The following PTPRN2 variants were observed in gnomAD, a reference collection of about 807,000 sequenced individuals.
PTPRN2 encodes receptor-type tyrosine-protein phosphatase N2.
PTPRN2 carries 74 observed loss-of-function variants against 118.8 expected under a neutral mutation model. That is an observed-to-expected ratio of 0.62 (90% CI 0.52 to 0.76). PTPRN2 has a LOEUF of 0.76. Ranked by LOEUF, PTPRN2 falls within the 30% of genes least tolerant of loss-of-function variation. PTPRN2 has a pLI of 0.00. For synonymous variants in PTPRN2, 641 were observed against 608.0 expected, an observed-to-expected ratio of 1.05 and a Z score of -0.80; for missense variants, 1,481 against 1,394.4, an observed-to-expected ratio of 1.06 and a Z score of -0.99.
intron 2 of PTPRN2, among the ~76,000 whole-genome samples, chr7:158,324,543 C>T (rs569781807): frequency 9.1e-4 from 139 of 151,934 alleles, no homozygotes; most frequent in African/African-American, 3.0e-3. Flanking sequence ...GCATGAGTCT[C>T]GCAAGTTCTC....
intron 10 of PTPRN2, among the ~76,000 whole-genome samples, chr7:158,110,106 C>T (rs1396092754): frequency 6.6e-6 from 1 of 152,198 alleles, no homozygotes; most frequent in Admixed American, 6.5e-5. Flanking sequence ...GGGCACACAG[C>T]CCGGGCCGGC....
chr7:158,405,724 T>C (rs1311108927), intron 2 of PTPRN2, among the ~76,000 whole-genome samples: 2 of 152,254 alleles, frequency 1.3e-5, no homozygotes, highest in East Asian at 3.8e-4. Context: ...CTTGGAAAAC[T>C]CGGAAAACCT....
At position 157,944,433 on chromosome 7, in the gene PTPRN2, T is replaced by C. The variant is rs1440368573; in HGVS notation, c.1724-45696A>G. ...ATTAATGTGTTAAGTGGCACAAATA[T>C]GTGTTTATCGAGAGAAACCTAAGTT... is the stretch of plus-strand genomic sequence containing the variant. On this transcript the variant is annotated intron_variant, in intron 11 of 22. Coordinates refer to ENST00000389418, the MANE Select transcript of PTPRN2 (RefSeq NM_002847.5). This position sits in a 1 kb window ranked among gnomAD's most constrained non-coding sequence, Gnocchi z 4.3. Among the ~76,000 whole-genome samples, 1 of 152,192 alleles carries C rather than the reference T, an allele frequency of 6.6e-6. No individual in the cohort carries two copies. Among genetic ancestry groups the C allele is most frequent in the African/African-American group, 2.4e-5 (1 of 41,446 alleles).
At chr7:158,270,579 C>T (rs938734252) in intron 3 of PTPRN2, among the ~76,000 whole-genome samples, 1 of 152,062 alleles carries the variant, frequency 6.6e-6, no homozygotes, top group Admixed American at 6.5e-5. Context: ...GGCTGAACAC[C>T]CCAGGGGAAA....
At chr7:157,595,041 A>C (rs1469174729) in intron 17 of PTPRN2, among the ~76,000 whole-genome samples, 197 bp downstream of exon 17, 1 of 152,226 alleles carries the variant, frequency 6.6e-6, no homozygotes, top group Non-Finnish European at 1.5e-5. Flanking sequence ...CTCAAAGGGA[A>C]TTTTTTCATA....
rs1827988903 is a variant in PTPRN2, at chr7:158,570,901, G to A, written c.112+16657C>T. 1.3e-5 allele frequency among the ~76,000 whole-genome samples: 2 copies of A among 152,256 alleles called. No individual in the cohort carries two copies. Among genetic ancestry groups the A allele is most frequent in the South Asian group, 4.1e-4 (2 of 4,822 alleles). On this transcript the variant is annotated intron_variant, in intron 1 of 22. Transcript: ENST00000389418. This position sits in a 1 kb window ranked among gnomAD's most constrained non-coding sequence, Gnocchi z 4.5. ...AACGTGCATGGACCTGGTTACCTCT[G>A]GCCTTCCTCTGCTCAGAAGCCCACC...
At position 158,334,660 on chromosome 7, in the gene PTPRN2, A is replaced by G. The variant is rs375602330; in HGVS notation, c.164-17728T>C. On this transcript the variant is annotated intron_variant, in intron 2 of 22. Transcript: ENST00000389418. ...ACCCACACTCTCACCATAATTGGTGACACCTGCAGACGTCACTCACACCCA... is the reference window on the plus strand; with the variant it reads ...ACCCACACTCTCACCATAATTGGTGGCACCTGCAGACGTCACTCACACCCA... Among the ~76,000 whole-genome samples, 8 of 80,736 alleles carry G rather than the reference A, an allele frequency of 9.9e-5. 2 individuals carry two copies. The East Asian group carries it at 3.2e-3, about 32-fold the overall frequency. 53.0% of individuals were successfully genotyped at this position (80,736 alleles called of 152,430 possible). A position where few individuals can be genotyped will look rare whatever the true frequency, so the allele number is the denominator to read the frequency against.
chr7:157,984,212 T>A (rs370684338), intron 11 of PTPRN2, among the ~76,000 whole-genome samples: 1 of 150,876 alleles, frequency 6.6e-6, no homozygotes, highest in Non-Finnish European at 1.5e-5. Context: ...GCCTGAGTCC[T>A]CTTCACCTGA....
At chr7:158,024,619 C>T (rs1243426647) in intron 11 of PTPRN2, among the ~76,000 whole-genome samples, 2 of 152,194 alleles carry the variant, frequency 1.3e-5, no homozygotes, top group African/African-American at 4.8e-5. Context: ...AGACGACCAC[C>T]AGGATGTGGC....
intron 5 of PTPRN2, among the ~76,000 whole-genome samples, chr7:158,178,153 T>C (rs1006674436): frequency 6.6e-6 from 1 of 152,240 alleles, no homozygotes; most frequent in Non-Finnish European, 1.5e-5. Context: ...CATTAAATTG[T>C]CACTCATTTA....
intron 12 of PTPRN2, among the ~76,000 whole-genome samples, chr7:157,887,025 G>A (rs1035899319): frequency 9.2e-5 from 14 of 151,986 alleles, no homozygotes; most frequent in East Asian, 1.9e-4. Context: ...AGCCCACAGC[G>A]GGCCTGTCCT....
At chr7:157,940,558 C>G (rs1198753162) in intron 11 of PTPRN2, among the ~76,000 whole-genome samples, 1 of 150,766 alleles carries the variant, frequency 6.6e-6, no homozygotes, top group Non-Finnish European at 1.5e-5. Flanking sequence ...ATCTAACGCC[C>G]TCCCCTGTGA....
chr7:157,834,334 TG>T (rs1158224604), intron 12 of PTPRN2, among the ~76,000 whole-genome samples: 2 of 134,704 alleles, frequency 1.5e-5, no homozygotes, highest in East Asian at 4.6e-4. Flanking sequence ...CAGCACTCCC[TG>T]TGATCAATCC....
chr7:157,673,467 CT>C (rs1796509292), intron 13 of PTPRN2, among the ~76,000 whole-genome samples: 2 of 152,266 alleles, frequency 1.3e-5, no homozygotes, highest in Admixed American at 6.5e-5. Flanking sequence ...GGAAAAGCCG[CT>C]GTTCAGACAC....
intron 22 of PTPRN2, among the ~76,000 whole-genome samples, chr7:157,544,791 G>T (rs547711134): frequency 6.6e-6 from 1 of 152,330 alleles, no homozygotes; most frequent in East Asian, 1.9e-4. Context: ...GCCTTGTCTG[G>T]CATCCCTTGT....
At chr7:158,530,072 T>C (rs1042646780) in intron 1 of PTPRN2, among the ~76,000 whole-genome samples, 2 of 152,018 alleles carry the variant, frequency 1.3e-5, no homozygotes, top group Non-Finnish European at 2.9e-5. Context: ...ACAGAGAGAA[T>C]GCAAAAGAAG....
At chr7:158,029,190 C>T (rs1238513094) in intron 11 of PTPRN2, 4 of 127,972 alleles carry the variant, frequency 3.1e-5, no homozygotes, top group South Asian at 5.0e-4. Context: ...ATCCACTCGC[C>T]GGGGGCACGG....
intron 13 of PTPRN2, among the ~76,000 whole-genome samples, chr7:157,668,518 G>A (rs1451359422): frequency 2.6e-5 from 4 of 152,182 alleles, no homozygotes; most frequent in Admixed American, 2.6e-4. Flanking sequence ...AACGTACAAA[G>A]CTGGGCAGGA....
intron 10 of PTPRN2, among the ~76,000 whole-genome samples, chr7:158,096,567 T>C (rs1165226684): frequency 6.6e-6 from 1 of 151,948 alleles, no homozygotes; most frequent in Non-Finnish European, 1.5e-5. Context: ...GGACGGGGAG[T>C]TTTGACGTAC....
Sources: allele counts gnomAD v4.1 joint callset (sites outside exome capture counted in the v4.1 genomes callset), GRCh38; gene constraint gnomAD v4.1.1; non-coding constraint Gnocchi (gnomAD v3.1); transcripts MANE v1.5; gene names NCBI Gene and HGNC (gene_info 2026-07-23, HGNC 2026-07-21).